The following FBXW7 variants were observed in gnomAD, a reference collection of about 807,000 sequenced individuals.
The protein encoded by FBXW7 is F-box/WD repeat-containing protein 7.
FBXW7 carries 11 observed loss-of-function variants against 86.3 expected under a neutral mutation model. The observed-to-expected ratio is 0.13, with a 90% CI of 0.08 to 0.21. The LOEUF (loss-of-function observed/expected upper bound fraction) is 0.21. FBXW7 is among the 10% of genes least tolerant of loss of function. The pLI is 1.00. For synonymous variants in FBXW7, 313 were observed against 297.9 expected, an observed-to-expected ratio of 1.05 and a Z score of -0.52; for missense variants, 488 against 847.4, an observed-to-expected ratio of 0.58 and a Z score of 5.27.
intron 4 of FBXW7, chr4:152,352,830 C>A: frequency 6.5e-7 from 1 of 1,534,920 alleles, no homozygotes. Flanking sequence ...CTTGACTGAA[C>A]AGATTCCTCC....
chr4:152,514,306 C>T (rs752906405), intron 2 of FBXW7, among the ~76,000 whole-genome samples: 52 of 152,072 alleles, frequency 3.4e-4, no homozygotes, highest in Admixed American at 3.3e-4. Context: ...ATTTCCTGCA[C>T]CTGAAAACAC....
chr4:152,426,043 G>A (rs1047999398), intron 2 of FBXW7, among the ~76,000 whole-genome samples: 5 of 152,074 alleles, frequency 3.3e-5, no homozygotes, highest in Admixed American at 6.5e-5. Context: ...GCTCTGTGTC[G>A]CTCTGAAATC....
rs185679775 is a variant in FBXW7, at chr4:152,334,893, A to G, written c.862-2174T>C. Among the ~76,000 whole-genome samples, 786 of 152,346 alleles carry G rather than the reference A, an allele frequency of 5.2e-3. 1 individual carries two copies. Among genetic ancestry groups the G allele is most frequent in the Non-Finnish European group, 9.3e-3 (631 of 68,026 alleles). ...AGTTCCATCAAAACATCTAAGCAAT[A>G]CAGAAAATACACAAAGCAAAACAAA... On this transcript the variant is annotated intron_variant, in intron 7 of 13. Transcript: ENST00000281708.
chr4:152,358,022 C>T (rs1732566421), intron 4 of FBXW7, among the ~76,000 whole-genome samples: 1 of 152,056 alleles, frequency 6.6e-6, no homozygotes. Flanking sequence ...AGCAAGTCAC[C>T]CTGGAGTTTA....
At chr4:152,324,935 C>T (rs569925753) in intron 12 of FBXW7, 1 of 152,772 alleles carries the variant, frequency 6.5e-6, no homozygotes, top group Admixed American at 6.5e-5. Flanking sequence ...AGGAAATGTG[C>T]CAAAAGATAA....
chr4:152,449,024 C>T (rs1189914461), intron 2 of FBXW7, among the ~76,000 whole-genome samples: 1 of 152,136 alleles, frequency 6.6e-6, no homozygotes, highest in African/African-American at 2.4e-5. Flanking sequence ...GGAATGAGCT[C>T]CACCCCTCCC....
intron 2 of FBXW7, among the ~76,000 whole-genome samples, chr4:152,474,906 C>T (rs1345136407): frequency 1.3e-5 from 2 of 152,156 alleles, no homozygotes; most frequent in African/African-American, 2.4e-5. Context: ...CCTCATGATC[C>T]GCCCGTCTTG....
At chr4:152,510,748 GGTCA>G (rs2149713711) in intron 2 of FBXW7, among the ~76,000 whole-genome samples, 1 of 152,296 alleles carries the variant, frequency 6.6e-6, no homozygotes, top group South Asian at 2.1e-4. Context: ...TACTCACTGA[GGTCA>G]GTCTATTGAA....
At chr4:152,487,995 A>G (rs77101142) in intron 2 of FBXW7, among the ~76,000 whole-genome samples, 2,434 of 152,090 alleles carry the variant, frequency 0.016, 75 homozygotes, top group African/African-American at 0.055. Flanking sequence ...TTCCATTTAA[A>G]CAAATAAAAA....
At chr4:152,494,363 C>T (rs1249900620) in intron 2 of FBXW7, among the ~76,000 whole-genome samples, 1 of 152,168 alleles carries the variant, frequency 6.6e-6, no homozygotes, top group African/African-American at 2.4e-5. Context: ...CTGAGGAGAA[C>T]AGATGATTGA....
chr4:152,447,878 AAC>A (rs1417554919), intron 2 of FBXW7, among the ~76,000 whole-genome samples: 1 of 152,224 alleles, frequency 6.6e-6, no homozygotes, highest in Admixed American at 6.5e-5. Context: ...TCATTTAGAT[AAC>A]ACAGCATAGT....
intron 8 of FBXW7, among the ~76,000 whole-genome samples, chr4:152,331,806 T>G (rs994032435): frequency 6.6e-6 from 1 of 152,130 alleles, no homozygotes; most frequent in South Asian, 2.1e-4. Flanking sequence ...CACAGATTAA[T>G]TCCACTTTAT....
intron 4 of FBXW7, among the ~76,000 whole-genome samples, chr4:152,374,937 A>G (rs901730498): frequency 6.6e-6 from 1 of 152,064 alleles, no homozygotes; most frequent in African/African-American, 2.4e-5. Flanking sequence ...TCCGTATGTT[A>G]AGGAGGTATC....
At chr4:152,354,298 G>A (rs944194444) in intron 4 of FBXW7, among the ~76,000 whole-genome samples, 2 of 151,902 alleles carry the variant, frequency 1.3e-5, no homozygotes, top group African/African-American at 4.8e-5. Context: ...GTACTCAGCA[G>A]AAGTTAGTTA....
intron 2 of FBXW7, among the ~76,000 whole-genome samples, chr4:152,506,310 T>C (rs1397868956): frequency 6.6e-6 from 1 of 152,152 alleles, no homozygotes; most frequent in Non-Finnish European, 1.5e-5. Context: ...TTTTTGTATT[T>C]TTAGTAGAGA....
At chr4:152,447,476 T>C (rs1167893578) in intron 2 of FBXW7, among the ~76,000 whole-genome samples, 2 of 152,214 alleles carry the variant, frequency 1.3e-5, no homozygotes, top group Non-Finnish European at 2.9e-5. Context: ...TGAGTTTCTA[T>C]GACAGTAGTT....
chr4:152,392,561 C>T (rs1015843906), intron 4 of FBXW7, among the ~76,000 whole-genome samples: 6 of 152,130 alleles, frequency 3.9e-5, no homozygotes, highest in African/African-American at 1.4e-4. Flanking sequence ...CCAGAGTTAA[C>T]AATGGCCAGA....
At chr4:152,348,742 T>G (rs1731511307) in intron 5 of FBXW7, 1 of 1,115,874 alleles carries the variant, frequency 9.0e-7, no homozygotes, top group South Asian at 1.4e-5. Context: ...ACAGTTAGTT[T>G]AACATTAAAT....
chr4:152,369,596 G>A lies in FBXW7; in HGVS notation c.502-19472C>T, dbSNP rs144263256. Among the ~76,000 whole-genome samples, 743 of 151,728 alleles carry A rather than the reference G, an allele frequency of 4.9e-3. 9 individuals are homozygous for A. Among genetic ancestry groups the A allele is most frequent in the African/African-American group, 0.017 (697 of 41,450 alleles). On this transcript the variant is annotated intron_variant, in intron 4 of 13. Transcript: ENST00000281708. ...GTAATAACCTTAACCATTTTGACAC[G>A]AAAAAAAGATGTACCAATTAAAGAA...
Sources: allele counts gnomAD v4.1 joint callset (sites outside exome capture counted in the v4.1 genomes callset), GRCh38; gene constraint gnomAD v4.1.1; transcripts MANE v1.5; gene names NCBI Gene and HGNC (gene_info 2026-07-23, HGNC 2026-07-21).